GLI3: variants seen among roughly 807,000 people sequenced by gnomAD.
GLI3 encodes GLI family zinc finger 3, also known as transcription activator GLI3.
Under a neutral mutation model 100.8 loss-of-function variants are expected in GLI3, and 20 were observed. The observed-to-expected ratio is 0.20, with a 90% CI of 0.14 to 0.29. GLI3 has a LOEUF of 0.29. Among genes scored for constraint, GLI3 ranks in the 10% least tolerant of loss-of-function variants. GLI3 has a pLI of 1.00. For synonymous variants in GLI3, 938 were observed against 860.5 expected (o/e 1.09, Z -1.58); for missense variants, 2,040 against 2,128.5 (o/e 0.96, Z 0.82).
At chr7:42,184,224 C>T (rs1787674511) in intron 2 of GLI3, among the ~76,000 whole-genome samples, 1 of 152,232 alleles carries the variant, frequency 6.6e-6, no homozygotes, top group African/African-American at 2.4e-5. Context: ...TCTCCTTCCC[C>T]TCGTCTCTGC....
At chr7:41,995,137 T>C (rs1788089425) in intron 10 of GLI3, among the ~76,000 whole-genome samples, 1 of 152,240 alleles carries the variant, frequency 6.6e-6, no homozygotes. Flanking sequence ...ATGATGTCTG[T>C]ATATTTCATT....
At position 41,965,638 on chromosome 7, in the gene GLI3, G is replaced by T; in HGVS notation, c.3435C>A (p.Ala1145=). Residue 1145 remains alanine, a synonymous_variant, in exon 15 of 15, where the codon GCC becomes GCA. Coordinates refer to ENST00000395925, the MANE Select transcript of GLI3 (RefSeq NM_000168.6). The stretch of plus-strand genomic sequence containing the variant: ...TGCCCTCGGGGCAGGGCTGCTCGAG[G>T]GCATGGAACTGCTGGCCAGCGTGGC... ...PDSHAGQQFH[A]LEQPCPEGSK... 6.2e-7 allele frequency: 1 copy of T among 1,611,742 alleles called. No homozygotes were observed. The highest frequency in any genetic ancestry group is 8.5e-7 in the Non-Finnish European group (1 of 1,178,342).
At position 42,098,202 on chromosome 7, in the gene GLI3, C is replaced by T. The variant is rs188686420; in HGVS notation, c.368-21345G>A. Reference sequence around the variant, plus strand: ...GAAGGCAGGAATCAATGTGGATGTACTTGCACATGCCCTCCTCATCACACG... The same window carrying T: ...GAAGGCAGGAATCAATGTGGATGTATTTGCACATGCCCTCCTCATCACACG... On this transcript the variant is annotated intron_variant, in intron 3 of 14. Coordinates refer to ENST00000395925, the MANE Select transcript of GLI3 (RefSeq NM_000168.6). Among the ~76,000 whole-genome samples, 382 of 152,186 alleles carry T rather than the reference C, an allele frequency of 2.5e-3. 2 individuals are homozygous for T. Among genetic ancestry groups the T allele is most frequent in the Non-Finnish European group, 4.7e-3 (321 of 68,024 alleles).
chr7:42,214,783 C>T (rs1788341251), intron 2 of GLI3, among the ~76,000 whole-genome samples: 1 of 150,552 alleles, frequency 6.6e-6, no homozygotes, highest in Non-Finnish European at 1.5e-5. Context: ...TAACTAAAAG[C>T]CCTTTAATAT....
intron 2 of GLI3, among the ~76,000 whole-genome samples, chr7:42,216,942 G>A (rs1788389685): frequency 6.6e-6 from 1 of 152,216 alleles, no homozygotes; most frequent in African/African-American, 2.4e-5. Context: ...ATATCTAAAT[G>A]TTAAGTCAAA....
Position 42,025,205 on chromosome 7 carries a change from C to A in GLI3, c.1356+59G>T, listed in dbSNP as rs192161180. On this transcript the variant is annotated intron_variant, in intron 9 of 14. Coordinates refer to ENST00000395925, the MANE Select transcript of GLI3 (RefSeq NM_000168.6). Reference sequence around the variant, plus strand: ...GGTCTGGGGAGGAAGCGGGAGCTGACCCAAAGACACCAGTCTTGGGAGGAG... The same window carrying A: ...GGTCTGGGGAGGAAGCGGGAGCTGAACCAAAGACACCAGTCTTGGGAGGAG... 1.5e-4 allele frequency: 169 copies of A among 1,150,340 alleles called. No homozygotes were observed. The African/African-American group carries it at 2.4e-3, about 16-fold the overall frequency. 71.3% of individuals were successfully genotyped at this position (1,150,340 alleles called of 1,614,324 possible).
intron 10 of GLI3, among the ~76,000 whole-genome samples, chr7:41,996,647 C>G (rs1025057535): frequency 6.6e-6 from 1 of 152,062 alleles, no homozygotes; most frequent in Non-Finnish European, 1.5e-5. Flanking sequence ...TAATCCTAAA[C>G]GTAAAAACAG....
At chr7:42,249,660 T>C (rs1380472447) in intron 1 of GLI3, among the ~76,000 whole-genome samples, 4 of 152,200 alleles carry the variant, frequency 2.6e-5, no homozygotes, top group African/African-American at 9.7e-5. Flanking sequence ...CACTTAGTCA[T>C]AGAGGGCCCA....
At chr7:42,042,623 G>T (rs1036139426) in intron 6 of GLI3, among the ~76,000 whole-genome samples, 5 of 152,140 alleles carry the variant, frequency 3.3e-5, no homozygotes, top group African/African-American at 9.7e-5. Flanking sequence ...CACTAATTGT[G>T]ATGCAAAAGG....
chr7:42,077,078 G>A (rs577677959), intron 3 of GLI3, among the ~76,000 whole-genome samples: 1 of 152,290 alleles, frequency 6.6e-6, no homozygotes, highest in East Asian at 1.9e-4. Context: ...CAGAGCCTGG[G>A]ACTGACTGCA....
chr7:41,995,853 C>T (rs1788110195), intron 10 of GLI3, among the ~76,000 whole-genome samples: 1 of 152,194 alleles, frequency 6.6e-6, no homozygotes, highest in Non-Finnish European at 1.5e-5. Flanking sequence ...GATACTCTGA[C>T]TATACTTGAT....
intron 1 of GLI3, among the ~76,000 whole-genome samples, chr7:42,251,695 C>T (rs989045445): frequency 3.3e-5 from 5 of 152,054 alleles, no homozygotes; most frequent in East Asian, 1.9e-4. Context: ...TCAATTATGA[C>T]GTGGTTACTA....
intron 1 of GLI3, among the ~76,000 whole-genome samples, chr7:42,262,030 CTT>C (rs1645830033): frequency 3.6e-5 from 2 of 56,078 alleles, no homozygotes; most frequent in South Asian, 5.6e-4. Flanking sequence ...CTCTCTCTCT[CTT>C]TCTTTCTTTC....
At chr7:42,139,620 G>A (rs181677466) in intron 3 of GLI3, among the ~76,000 whole-genome samples, 107 of 152,088 alleles carry the variant, frequency 7.0e-4, no homozygotes, top group African/African-American at 2.1e-3. Flanking sequence ...CAGAGGTTGC[G>A]GTGAGCCGAG....
chr7:42,041,097 G>A (rs960140860), intron 6 of GLI3, among the ~76,000 whole-genome samples: 7 of 152,326 alleles, frequency 4.6e-5, no homozygotes, highest in African/African-American at 1.2e-4. Context: ...CCAAGGCAGA[G>A]GAGAAACCCT....
rs1317747305 is a variant in GLI3, at chr7:41,962,690, TCTTAA to T, written c.*1635_*1639del. Reference sequence around the variant, plus strand: ...CATAAACATGAGAAAAGTGGGCTGGTCTTAACACTCTTTCTATTATCTAACACTTT... The same window carrying T: ...CATAAACATGAGAAAAGTGGGCTGGTCACTCTTTCTATTATCTAACACTTT... On this transcript the variant is annotated 3_prime_UTR_variant, in exon 15 of 15. Coordinates refer to ENST00000395925, the MANE Select transcript of GLI3 (RefSeq NM_000168.6). 1 of 152,166 alleles carries T rather than the reference TCTTAA, an allele frequency of 6.6e-6. No homozygotes were observed. The highest frequency in any genetic ancestry group is 1.9e-4 in the East Asian group (1 of 5,202). The allele number at this position is 152,166 out of a possible 1,614,324, so 9.4% of individuals were successfully genotyped here.
upstream of GLI3, among the ~76,000 whole-genome samples, chr7:42,242,069 T>G (rs1305244385): frequency 2.6e-5 from 4 of 152,188 alleles, no homozygotes; most frequent in African/African-American, 7.2e-5. Context: ...ACCTGGTGGT[T>G]TCACCTGTCT....
chr7:42,045,257 T>C (rs1784222493), intron 6 of GLI3, 127 bp downstream of exon 6: 3 of 918,302 alleles, frequency 3.3e-6, no homozygotes, highest in Middle Eastern at 2.1e-4. Context: ...CACCAGATAG[T>C]GGTGGTTCCA....
At chr7:42,118,163 T>A in intron 3 of GLI3, 1 of 392,996 alleles carries the variant, frequency 2.5e-6, no homozygotes, top group Non-Finnish European at 4.5e-6. Flanking sequence ...AGCTTAATCA[T>A]CTTAATGAAA....
Sources: gnomAD v4.1 joint callset for allele counts (sites outside exome capture counted in the v4.1 genomes callset) on GRCh38, gnomAD v4.1.1 for gene constraint, MANE v1.5 for transcripts, NCBI Gene and HGNC (gene_info 2026-07-23, HGNC 2026-07-21) for gene names.